Variants in PITPNM2 observed in about 807,000 individuals in gnomAD.
PITPNM2 encodes phosphatidylinositol transfer protein membrane associated 2.
In PITPNM2, 35 loss-of-function variants were observed where a neutral mutation model predicts 132.2. That is an observed-to-expected ratio of 0.26 (90% CI 0.20 to 0.35). The LOEUF (loss-of-function observed/expected upper bound fraction) is 0.35. Among genes scored for constraint, PITPNM2 ranks in the 10% least tolerant of loss-of-function variants. The pLI, the probability that PITPNM2 is intolerant of heterozygous loss-of-function variation, is 1.00. For synonymous variants in PITPNM2, 738 were observed against 799.2 expected, an observed-to-expected ratio of 0.92 and a Z score of 1.29; for missense variants, 1,332 against 1,912.0, an observed-to-expected ratio of 0.70 and a Z score of 5.66.
intron 1 of PITPNM2, among the ~76,000 whole-genome samples, chr12:123,136,724 C>T (rs535925486): frequency 3.3e-5 from 5 of 151,702 alleles, no homozygotes; most frequent in Admixed American, 2.6e-4. Flanking sequence ...AGTGAAACCC[C>T]GTCTCTACTA....
chr12:123,143,756 C>G lies in PITPNM2; in HGVS notation c.-200+6997G>C, dbSNP rs1290699853. Among the ~76,000 whole-genome samples the G allele has an allele frequency of 2.6e-5, 4 of 152,304 alleles. 1 individual carries two copies. Among genetic ancestry groups the G allele is most frequent in the East Asian group, 3.9e-4 (2 of 5,176 alleles). On this transcript the variant is annotated intron_variant, in intron 1 of 25. Coordinates refer to ENST00000320201, the MANE Select transcript of PITPNM2 (RefSeq NM_020845.3). ...GACTTGAGCAGAGAGAGATGGGCAC[C>G]ATTCTGCTGGCAGCAGCCCTTCTAG...
rs1457105013 is a variant in PITPNM2, at chr12:123,078,073, A to T, written c.-96+32312T>A. Among the ~76,000 whole-genome samples, 2 of 147,408 alleles carry T rather than the reference A, an allele frequency of 1.4e-5. No individual in the cohort carries two copies. The highest frequency in any genetic ancestry group is 3.0e-5 in the Non-Finnish European group (2 of 66,568). Reference sequence around the variant, plus strand: ...GCAGGGATGCCGGAGGAAGGGAGAAAGGCAGGCCGGAGAGGAAGGGGTGGG... The same window carrying T: ...GCAGGGATGCCGGAGGAAGGGAGAATGGCAGGCCGGAGAGGAAGGGGTGGG... On this transcript the variant is annotated intron_variant, in intron 2 of 25. Transcript: ENST00000320201. This position sits in a 1 kb window ranked among gnomAD's most constrained non-coding sequence, Gnocchi z 7.3.
intron 2 of PITPNM2, among the ~76,000 whole-genome samples, chr12:123,052,431 C>T (rs2040890826): frequency 6.6e-6 from 1 of 152,096 alleles, no homozygotes; most frequent in Non-Finnish European, 1.5e-5. Context: ...TCAGCCTGAG[C>T]AACACAGGGA....
In PITPNM2 at chr12:123,064,647, C is replaced by A. The variant is rs1268857219; in HGVS notation, c.-95-29962G>T. Among the ~76,000 whole-genome samples the A allele has an allele frequency of 2.6e-5, 4 of 152,194 alleles. No homozygotes were observed. Among genetic ancestry groups the A allele is most frequent in the Non-Finnish European group, 5.9e-5 (4 of 68,032 alleles). ...GAGCCCAGCAACACCCCTGTGTCAA[C>A]AGGGTGGGAAGTGAGGAGGCACTGA... On this transcript the variant is annotated intron_variant, in intron 2 of 25. Coordinates refer to ENST00000320201, the MANE Select transcript of PITPNM2 (RefSeq NM_020845.3). The surrounding 1 kb of genome is among the most constrained non-coding windows in gnomAD (Gnocchi z 4.0).
chr12:123,026,427 A>G (rs1385920110), intron 3 of PITPNM2, among the ~76,000 whole-genome samples: 1 of 152,250 alleles, frequency 6.6e-6, no homozygotes, highest in African/African-American at 2.4e-5. Context: ...TCTGGCCTCC[A>G]GAACTGTGAA....
chr12:123,074,845 G>C (rs1049653290), intron 2 of PITPNM2, among the ~76,000 whole-genome samples: 2 of 152,238 alleles, frequency 1.3e-5, no homozygotes, highest in African/African-American at 2.4e-5. Flanking sequence ...AGAGGGAACA[G>C]AGGCAGCTCT....
chr12:123,128,707 G>A (rs959768691), intron 1 of PITPNM2, among the ~76,000 whole-genome samples: 8 of 145,002 alleles, frequency 5.5e-5, no homozygotes, highest in Admixed American at 1.4e-4. Context: ...AGCAAAGATC[G>A]CGCCACTGCA....
intron 2 of PITPNM2, chr12:123,084,536 C>G (rs1202129884): frequency 6.6e-6 from 1 of 152,272 alleles, no homozygotes; most frequent in African/African-American, 2.4e-5. Context: ...CTGCTGACAT[C>G]GTGGCCACCC....
At chr12:122,987,093 C>T (rs1311633739) in intron 23 of PITPNM2, among the ~76,000 whole-genome samples, 188 bp downstream of exon 23, 1 of 152,276 alleles carries the variant, frequency 6.6e-6, no homozygotes, top group Non-Finnish European at 1.5e-5. Context: ...TGAGAAGTGA[C>T]ATCGCTTGCC....
At position 123,008,605 on chromosome 12, in the gene PITPNM2, C is replaced by G. The variant is rs940572344; in HGVS notation, c.643+1245G>C. Among the ~76,000 whole-genome samples, 1 of 152,170 alleles carries G rather than the reference C, an allele frequency of 6.6e-6. No individual in the cohort carries two copies. The highest frequency in any genetic ancestry group is 2.1e-4 in the South Asian group (1 of 4,830). On this transcript the variant is annotated intron_variant, in intron 6 of 25. Coordinates refer to ENST00000320201, the MANE Select transcript of PITPNM2 (RefSeq NM_020845.3). The surrounding 1 kb of genome is among the most constrained non-coding windows in gnomAD (Gnocchi z 4.1). ...AGGCAGGTTTGGGCCAATCTAAGCT[C>G]CCATGGGGTTAGAGAGATGGATTGT...
At position 122,987,357 on chromosome 12, in the gene PITPNM2, C is replaced by G; in HGVS notation, c.3337G>C (p.Asp1113His). The stretch of plus-strand genomic sequence containing the variant: ...GACACGCTAGCGGCAAAGGAACCGT[C>G]GATGCTGAAGACCACGAACTCTGTG... ...KGTEFVVFSI[D>H]GSFAASVSIM... Residue 1113 changes from aspartate (D) to histidine (H), a missense_variant, in exon 23 of 26, where the codon GAC (aspartate) becomes CAC (histidine). Around this residue, in one of 6 missense-constraint regions of PITPNM2, gnomAD observed 251 missense variants for 472.0 expected, o/e 0.53. Coordinates refer to ENST00000320201, the MANE Select transcript of PITPNM2 (RefSeq NM_020845.3). The G allele has an allele frequency of 6.2e-7, 1 of 1,613,244 alleles. No homozygotes were observed. Among genetic ancestry groups the G allele is most frequent in the Non-Finnish European group, 8.5e-7 (1 of 1,180,014 alleles).
chr12:123,139,449 C>A (rs999589874), intron 1 of PITPNM2, among the ~76,000 whole-genome samples: 1 of 150,364 alleles, frequency 6.7e-6, no homozygotes, highest in Non-Finnish European at 1.5e-5. Flanking sequence ...TGCAATGAGG[C>A]GAGATCGTGC....
chr12:123,080,267 G>A (rs1231368854), intron 2 of PITPNM2, among the ~76,000 whole-genome samples: 3 of 152,098 alleles, frequency 2.0e-5, no homozygotes, highest in Non-Finnish European at 2.9e-5. Context: ...TGCCCAGGCT[G>A]GAGTGCAGTG....
intron 3 of PITPNM2, among the ~76,000 whole-genome samples, chr12:123,032,034 A>C: frequency 6.6e-6 from 1 of 152,272 alleles, no homozygotes; most frequent in South Asian, 2.1e-4. Flanking sequence ...CCACAATCCT[A>C]ATCAATGGAG....
chr12:123,141,575 G>A (rs975817092), intron 1 of PITPNM2, among the ~76,000 whole-genome samples: 2 of 152,108 alleles, frequency 1.3e-5, no homozygotes, highest in African/African-American at 4.8e-5. Flanking sequence ...CCTGGAGAGG[G>A]AAGAGCAGCC....
chr12:123,014,746 G>T (rs2039357027), intron 3 of PITPNM2, among the ~76,000 whole-genome samples: 1 of 152,046 alleles, frequency 6.6e-6, no homozygotes, highest in South Asian at 2.1e-4. Context: ...AGAATAAGAG[G>T]CATCCAAATT....
At chr12:123,014,077 G>A in intron 3 of PITPNM2, 35 bp from the exon 4 acceptor site, 1 of 1,609,314 alleles carries the variant, frequency 6.2e-7, no homozygotes, top group Non-Finnish European at 8.5e-7. Flanking sequence ...TGTGTGTGGG[G>A]CCAGAGCACT....
chr12:123,132,975 C>T (rs567604503), intron 1 of PITPNM2, among the ~76,000 whole-genome samples: 1 of 152,178 alleles, frequency 6.6e-6, no homozygotes, highest in Non-Finnish European at 1.5e-5. Context: ...GAGTTGTTTC[C>T]ACCTTTTGGC....
At chr12:123,100,518 C>G (rs915938029) in intron 2 of PITPNM2, among the ~76,000 whole-genome samples, 2 of 151,924 alleles carry the variant, frequency 1.3e-5, no homozygotes, top group Non-Finnish European at 2.9e-5. Context: ...CCCAGCTACT[C>G]AGGAGGCTAA....
Sources: allele counts gnomAD v4.1 joint callset (sites outside exome capture counted in the v4.1 genomes callset), GRCh38; gene constraint gnomAD v4.1.1; regional missense constraint gnomAD v4.1.1; non-coding constraint Gnocchi (gnomAD v3.1); transcripts MANE v1.5; gene names NCBI Gene and HGNC (gene_info 2026-07-23, HGNC 2026-07-21).